The following PCDH7 variants were observed in gnomAD, a reference collection of about 807,000 sequenced individuals.
PCDH7 encodes protocadherin-7.
A neutral mutation model predicts 58.9 loss-of-function variants in PCDH7; 17 were observed. The ratio of observed to expected loss-of-function variants is 0.29; its 90% CI spans 0.20 to 0.43. The LOEUF (loss-of-function observed/expected upper bound fraction) is 0.43, where lower values mean the gene tolerates loss of function less well. Ranked by LOEUF, PCDH7 falls within the 20% of genes least tolerant of loss-of-function variation. The probability of loss-of-function intolerance (pLI) is 1.00; values close to 1 mark genes in which losing one functional copy is unlikely to be tolerated. For missense variants in PCDH7, 1,274 were observed against 1,441.0 expected (o/e 0.88, Z 1.88); for synonymous variants, 664 against 616.4 (o/e 1.08, Z -1.14).
chr4:30,803,894 T>A (rs1725849553), intron 1 of PCDH7, among the ~76,000 whole-genome samples: 1 of 152,190 alleles, frequency 6.6e-6, no homozygotes, highest in African/African-American at 2.4e-5. Flanking sequence ...AATGTCCCAC[T>A]TCCAAGAGGG....
chr4:31,139,813 A>C (rs1720033148), intron 3 of PCDH7, among the ~76,000 whole-genome samples: 1 of 152,146 alleles, frequency 6.6e-6, no homozygotes, highest in Admixed American at 6.6e-5. Context: ...TCTAAATTTG[A>C]TGACAAACAT....
In PCDH7 at chr4:30,958,474, CTT is replaced by C. The variant is rs566587967; in HGVS notation, c.*7+8260_*7+8261del. 2.3e-4 allele frequency among the ~76,000 whole-genome samples: 35 copies of C among 151,940 alleles called. No individual in the cohort carries two copies. In the East Asian group the frequency reaches 5.8e-3, roughly 25 times the overall value. ...TATATATTTAAATGATAATTAATAA[CTT>C]AAGGTGATTCAAATAATAACATTAG... On this transcript the variant is annotated intron_variant, in intron 3 of 3. Transcript: ENST00000509759.
intron 1 of PCDH7, among the ~76,000 whole-genome samples, chr4:30,857,543 A>G (rs1578067024): frequency 6.6e-6 from 1 of 152,122 alleles, no homozygotes; most frequent in African/African-American, 2.4e-5. Context: ...TGGGTTGTGC[A>G]TAGGTGTGTT....
chr4:30,839,221 G>A (rs1730909807), intron 1 of PCDH7, among the ~76,000 whole-genome samples: 1 of 151,846 alleles, frequency 6.6e-6, no homozygotes, highest in African/African-American at 2.4e-5. Context: ...TAATTACTAA[G>A]TATTTTGGAC....
At chr4:30,756,381 C>G (rs1315414409) in intron 1 of PCDH7, among the ~76,000 whole-genome samples, 1 of 152,148 alleles carries the variant, frequency 6.6e-6, no homozygotes, top group East Asian at 1.9e-4. Flanking sequence ...GACAAACCAA[C>G]TATGTCCAAA....
intron 1 of PCDH7, among the ~76,000 whole-genome samples, chr4:30,751,879 A>G (rs1718568641): frequency 6.6e-6 from 1 of 152,164 alleles, no homozygotes. Context: ...AGTAAGGAAA[A>G]TATTTTCACC....
At chr4:31,145,430 C>T (rs927716319), downstream of PCDH7, 1 of 151,134 alleles carries the variant, frequency 6.6e-6, no homozygotes, top group Admixed American at 6.6e-5. Flanking sequence ...AATCTGGTGC[C>T]ACTCCATATA....
At chr4:31,079,351 T>TATATATATATAG (rs1759302466) in intron 3 of PCDH7, among the ~76,000 whole-genome samples, 3 of 83,502 alleles carry the variant, frequency 3.6e-5, no homozygotes, top group Admixed American at 1.2e-4. Context: ...TATATATATA[T>TATATATATATAG]ATATATATAT....
Position 30,873,451 on chromosome 4 carries a change from T to C in PCDH7, c.71-46702T>C, listed in dbSNP as rs550162297. Among the ~76,000 whole-genome samples, 533 of 152,272 alleles carry C rather than the reference T, an allele frequency of 3.5e-3. 4 individuals are homozygous for C. Among genetic ancestry groups the C allele is most frequent in the Non-Finnish European group, 6.5e-3 (439 of 68,008 alleles). On this transcript the variant is annotated intron_variant, in intron 1 of 3. Transcript: ENST00000509759. Reference sequence around the variant, plus strand: ...AACCTCTTGGCTACCCAATGTTATGTTAAAATTTAATACAAATTTAATTTG... The same window carrying C: ...AACCTCTTGGCTACCCAATGTTATGCTAAAATTTAATACAAATTTAATTTG...
intron 3 of PCDH7, among the ~76,000 whole-genome samples, chr4:31,017,227 C>G (rs1753689352): frequency 6.6e-6 from 1 of 152,070 alleles, no homozygotes; most frequent in Admixed American, 6.6e-5. Context: ...TTAATTCTAT[C>G]TTTTGGATTG....
At chr4:30,830,605 C>T (rs1338642116) in intron 1 of PCDH7, among the ~76,000 whole-genome samples, 1 of 151,996 alleles carries the variant, frequency 6.6e-6, no homozygotes. Flanking sequence ...TATCTTGACT[C>T]TCTTTCCTGC....
intron 1 of PCDH7, among the ~76,000 whole-genome samples, chr4:30,777,756 A>G (rs1464245667): frequency 6.6e-6 from 1 of 152,178 alleles, no homozygotes. Flanking sequence ...TATTAATTCT[A>G]TGTTCACTTG....
downstream of PCDH7, among the ~76,000 whole-genome samples, chr4:30,735,199 A>T (rs550445780): frequency 9.2e-5 from 14 of 152,242 alleles, no homozygotes; most frequent in South Asian, 2.5e-3. Context: ...TCTGGAGAAG[A>T]TGTAGATACA....
intron 1 of PCDH7, among the ~76,000 whole-genome samples, chr4:30,814,877 GTTAA>G (rs1380154000): frequency 1.3e-5 from 2 of 152,140 alleles, no homozygotes; most frequent in East Asian, 3.9e-4. Flanking sequence ...AAGCAAATGT[GTTAA>G]TTAAGACTCA....
intron 1 of PCDH7, among the ~76,000 whole-genome samples, chr4:30,842,958 A>G (rs902026261): frequency 1.3e-5 from 2 of 151,996 alleles, no homozygotes; most frequent in Non-Finnish European, 2.9e-5. Context: ...CCTGCTTATC[A>G]TTCTATAAGA....
intron 1 of PCDH7, among the ~76,000 whole-genome samples, chr4:30,892,702 G>T (rs998213978): frequency 1.3e-5 from 2 of 152,004 alleles, no homozygotes; most frequent in African/African-American, 4.8e-5. Flanking sequence ...TGAGATGAAT[G>T]ATGGCATAAT....
At chr4:30,773,109 G>A (rs1721624692) in intron 1 of PCDH7, among the ~76,000 whole-genome samples, 2 of 152,118 alleles carry the variant, frequency 1.3e-5, no homozygotes, top group South Asian at 4.1e-4. Context: ...TACTATCTTG[G>A]CCAGCCTGGT....
intron 1 of PCDH7, among the ~76,000 whole-genome samples, chr4:30,910,452 A>G (rs988098825): frequency 4.7e-4 from 72 of 152,286 alleles, no homozygotes; most frequent in Middle Eastern, 3.4e-3. Context: ...AATCCACAAG[A>G]AACTTAACAA....
rs577244608 is a variant in PCDH7, at chr4:30,954,596, G to A, written c.*7+4381G>A. On this transcript the variant is annotated intron_variant, in intron 3 of 3. Coordinates refer to the PCDH7 transcript ENST00000509759. The stretch of plus-strand genomic sequence containing the variant: ...CTGCTTTGCTATCACTGCTGTTGAA[G>A]GGGTATGCCATGTGCAACATGACAA... 4.9e-4 allele frequency among the ~76,000 whole-genome samples: 75 copies of A among 152,206 alleles called. 1 individual carries two copies. The South Asian group carries it at 0.011, about 22-fold the overall frequency.
Sources: allele counts gnomAD v4.1 joint callset (sites outside exome capture counted in the v4.1 genomes callset), GRCh38; gene constraint gnomAD v4.1.1; transcripts MANE v1.5; gene names NCBI Gene and HGNC (gene_info 2026-07-23, HGNC 2026-07-21).